The following ROBO2 variants were observed in gnomAD, a reference collection of about 807,000 sequenced individuals.
The protein encoded by ROBO2 is roundabout guidance receptor 2.
A neutral mutation model predicts 160.8 loss-of-function variants in ROBO2; 53 were observed. That is an observed-to-expected ratio of 0.33 (90% CI 0.26 to 0.41). The LOEUF (loss-of-function observed/expected upper bound fraction) is 0.41. Ranked by LOEUF, ROBO2 falls within the 10% of genes least tolerant of loss-of-function variation. The pLI, the probability that ROBO2 is intolerant of heterozygous loss-of-function variation, is 1.00. For missense variants in ROBO2, 1,577 were observed against 1,722.4 expected, an observed-to-expected ratio of 0.92 and a Z score of 1.49; for synonymous variants, 664 against 611.7, an observed-to-expected ratio of 1.09 and a Z score of -1.26.
intron 2 of ROBO2, among the ~76,000 whole-genome samples, chr3:76,136,921 G>A (rs2071448454): frequency 6.6e-6 from 1 of 151,916 alleles, no homozygotes; most frequent in Admixed American, 6.6e-5. Context: ...GAATGTAGGG[G>A]GCGGAAATCA....
chr3:76,686,672 C>T (rs978586), intron 2 of ROBO2, among the ~76,000 whole-genome samples: 86,571 of 151,854 alleles, frequency 0.57, 26,153 homozygotes, highest in East Asian at 0.78. Flanking sequence ...AAAAATATTT[C>T]ACAGCCAGGT....
intron 2 of ROBO2, among the ~76,000 whole-genome samples, chr3:77,436,632 G>C (rs1200072813): frequency 2.0e-5 from 3 of 151,800 alleles, no homozygotes; most frequent in African/African-American, 7.2e-5. Flanking sequence ...GACCTTCTGA[G>C]TTGATGTAAA....
rs190318931 is a variant in ROBO2 at position 76,307,702 on chromosome 3, G to A, written c.109+370100G>A. On this transcript the variant is annotated intron_variant, in intron 2 of 26. Coordinates refer to the ROBO2 transcript ENST00000487694. ...TAAAAGAGAAGAATAACAAAAACTG[G>A]GGCTGTGCAGGATTCAAATTCTAGC... 8.1e-3 allele frequency among the ~76,000 whole-genome samples: 1,232 copies of A among 152,040 alleles called. 11 individuals carry two copies. The highest frequency in any genetic ancestry group is 0.013 in the Non-Finnish European group (913 of 67,988).
intron 2 of ROBO2, among the ~76,000 whole-genome samples, chr3:76,684,960 TA>T (rs1197488678): frequency 3.5e-5 from 5 of 144,572 alleles, no homozygotes; most frequent in Non-Finnish European, 6.0e-5. Context: ...AAATAAATTG[TA>T]ACATTTGCAG....
At chr3:76,181,839 A>G (rs980600450) in intron 2 of ROBO2, among the ~76,000 whole-genome samples, 6 of 152,068 alleles carry the variant, frequency 3.9e-5, no homozygotes, top group African/African-American at 1.4e-4. Flanking sequence ...TAGAGGGAGT[A>G]TGTTCAACTC....
chr3:76,953,820 ATGTGTG>A (rs112746282), intron 2 of ROBO2, among the ~76,000 whole-genome samples: 5 of 149,402 alleles, frequency 3.3e-5, no homozygotes, highest in East Asian at 3.9e-4. Context: ...TCCTTTTTAA[ATGTGTG>A]TGTGTGTGTG....
rs375228792 is a variant in ROBO2, at chr3:76,636,257, T to C, written c.110-461757T>C. 7.4e-4 allele frequency among the ~76,000 whole-genome samples: 112 copies of C among 152,176 alleles called. 1 individual carries two copies. The South Asian group carries it at 8.3e-3, about 11-fold the overall frequency. ...TTATTTTCAGATATAGAGGAGGCAATGTAGGTTGAATCTCTTTGGTTTAAA... is the reference window on the plus strand; with the variant it reads ...TTATTTTCAGATATAGAGGAGGCAACGTAGGTTGAATCTCTTTGGTTTAAA... On this transcript the variant is annotated intron_variant, in intron 2 of 26. Coordinates refer to the ROBO2 transcript ENST00000487694.
chr3:76,540,440 C>T (rs1439806899), intron 2 of ROBO2, among the ~76,000 whole-genome samples: 2 of 152,150 alleles, frequency 1.3e-5, no homozygotes, highest in Non-Finnish European at 2.9e-5. Flanking sequence ...CATCCCTTTG[C>T]TCATTGAAAA....
intron 2 of ROBO2, among the ~76,000 whole-genome samples, chr3:76,811,778 CTT>C: frequency 6.7e-5 from 2 of 30,018 alleles, no homozygotes; most frequent in African/African-American, 2.8e-4. Flanking sequence ...TCTTTCCCTC[CTT>C]CCTTCCTTCC....
At chr3:77,116,802 C>G (rs768021075) in intron 2 of ROBO2, among the ~76,000 whole-genome samples, 3 of 152,066 alleles carry the variant, frequency 2.0e-5, no homozygotes, top group African/African-American at 4.8e-5. Context: ...GGTAAGTTGA[C>G]CAGTCAGTGA....
chr3:76,285,750 T>C (rs1393219850), intron 2 of ROBO2, among the ~76,000 whole-genome samples: 1 of 152,160 alleles, frequency 6.6e-6, no homozygotes, highest in Admixed American at 6.6e-5. Flanking sequence ...TATTCAAACA[T>C]CGAATTTAAC....
At chr3:75,963,360 T>TA (rs1408347108) in intron 2 of ROBO2, among the ~76,000 whole-genome samples, 1 of 151,636 alleles carries the variant, frequency 6.6e-6, no homozygotes, top group African/African-American at 2.4e-5. Flanking sequence ...CTTTATTTTT[T>TA]ATTAAAGAAA....
chr3:77,180,416 C>CTCTCTATATATATATATA (rs1433740534), intron 2 of ROBO2, among the ~76,000 whole-genome samples: 60 of 90,722 alleles, frequency 6.6e-4, no homozygotes, highest in Admixed American at 9.3e-4. Flanking sequence ...CTCTCTCTCT[C>CTCTCTATATATATATATA]TATATATATA....
intron 2 of ROBO2, among the ~76,000 whole-genome samples, chr3:76,279,445 A>C (rs1462568763): frequency 6.6e-6 from 1 of 151,952 alleles, no homozygotes; most frequent in Admixed American, 6.6e-5. Context: ...GGCATTGAAT[A>C]TTCTACCACT....
At chr3:75,932,533 C>A (rs1471559612) in intron 1 of ROBO2, among the ~76,000 whole-genome samples, 1 of 152,160 alleles carries the variant, frequency 6.6e-6, no homozygotes, top group Non-Finnish European at 1.5e-5. Context: ...CTTACTAATA[C>A]CCCTGACAGC....
chr3:76,459,497 A>G (rs2077969220), intron 2 of ROBO2, among the ~76,000 whole-genome samples: 1 of 152,182 alleles, frequency 6.6e-6, no homozygotes, highest in Non-Finnish European at 1.5e-5. Flanking sequence ...AGTTTCTTAC[A>G]TCTTTTTTCT....
chr3:76,910,419 G>A (rs1438010199), intron 2 of ROBO2, among the ~76,000 whole-genome samples: 1 of 151,888 alleles, frequency 6.6e-6, no homozygotes, highest in Non-Finnish European at 1.5e-5. Flanking sequence ...ATGGAAAGGG[G>A]CACTTTTAGA....
chr3:77,123,597 A>C (rs2074994436), intron 2 of ROBO2, among the ~76,000 whole-genome samples: 2 of 151,880 alleles, frequency 1.3e-5, no homozygotes. Flanking sequence ...TAATTTGAAA[A>C]ATTAGACATA....
intron 2 of ROBO2, among the ~76,000 whole-genome samples, chr3:75,986,644 C>T (rs922811186): frequency 3.3e-5 from 5 of 151,220 alleles, no homozygotes; most frequent in Non-Finnish European, 7.4e-5. Flanking sequence ...AGCTTTTGTT[C>T]TATTATTTCT....
Sources: gnomAD v4.1 joint callset for allele counts (sites outside exome capture counted in the v4.1 genomes callset) on GRCh38, gnomAD v4.1.1 for gene constraint, MANE v1.5 for transcripts, NCBI Gene and HGNC (gene_info 2026-07-23, HGNC 2026-07-21) for gene names.